The following ABTB2 variants were observed in gnomAD, a reference collection of about 807,000 sequenced individuals.
ABTB2 encodes the protein ankyrin repeat and BTB domain containing 2, also known as ankyrin repeat and BTB/POZ domain-containing protein 2.
Under a neutral mutation model 104.1 loss-of-function variants are expected in ABTB2, and 56 were observed. The observed-to-expected ratio is 0.54, with a 90% CI of 0.43 to 0.67. ABTB2 has a LOEUF of 0.67. Among genes scored for constraint, ABTB2 ranks in the 30% least tolerant of loss-of-function variants. ABTB2 has a pLI of 0.00. For missense variants in ABTB2, 1,279 were observed against 1,407.7 expected (o/e 0.91, Z 1.46); for synonymous variants, 606 against 608.2 (o/e 1.00, Z 0.05).
At chr11:34,270,670 T>G (rs1365111344) in intron 1 of ABTB2, among the ~76,000 whole-genome samples, 1 of 152,112 alleles carries the variant, frequency 6.6e-6, no homozygotes, top group Admixed American at 6.5e-5. Context: ...CCTCAGAGGT[T>G]GACAACCAGA....
At chr11:34,197,056 T>C (rs1346034189) in intron 3 of ABTB2, among the ~76,000 whole-genome samples, 1 of 152,144 alleles carries the variant, frequency 6.6e-6, no homozygotes, top group African/African-American at 2.4e-5. Context: ...CCCAGTGAGC[T>C]CATGCCAGAC....
chr11:34,245,465 G>A (rs1261742889), intron 1 of ABTB2, among the ~76,000 whole-genome samples: 1 of 152,254 alleles, frequency 6.6e-6, no homozygotes, highest in African/African-American at 2.4e-5. Flanking sequence ...GTGCTTGGCT[G>A]TGCAAGTCCT....
At chr11:34,184,136 G>A (rs1387190153) in intron 3 of ABTB2, among the ~76,000 whole-genome samples, 3 of 151,586 alleles carry the variant, frequency 2.0e-5, no homozygotes, top group African/African-American at 7.3e-5. Context: ...CTCCAGGACT[G>A]TTCATTAAGG....
chr11:34,170,943 G>C lies in ABTB2; in HGVS notation c.1526C>G (p.Ala509Gly), dbSNP rs767059590. ...GGTGTTAACCCCATCCGGACCCAAGGCCTCGATGGCTTGGTTGATGAGGTC... is the reference window on the plus strand; with the variant it reads ...GGTGTTAACCCCATCCGGACCCAAGCCCTCGATGGCTTGGTTGATGAGGTC... ...RTDLINQAIE[A>G]LGPDGVNTMD... Residue 509 changes from alanine (A) to glycine (G), a missense_variant, in exon 5 of 17, where the codon GCC becomes GGC. By Grantham distance (60) the Ala-to-Gly change is moderately conservative (BLOSUM62 0). Transcript: ENST00000435224. The C allele has an allele frequency of 1.2e-6, 2 of 1,614,176 alleles. No individual in the cohort carries two copies. Among genetic ancestry groups the C allele is most frequent in the Non-Finnish European group, 1.7e-6 (2 of 1,180,030 alleles).
chr11:34,202,560 G>C (rs140962649), intron 2 of ABTB2, among the ~76,000 whole-genome samples: 2 of 152,280 alleles, frequency 1.3e-5, no homozygotes, highest in East Asian at 3.9e-4. Flanking sequence ...GCAGCTTGGG[G>C]CTAGGTGCAG....
chr11:34,263,064 G>A (rs555231392), intron 1 of ABTB2, among the ~76,000 whole-genome samples: 5 of 152,246 alleles, frequency 3.3e-5, no homozygotes, highest in Non-Finnish European at 5.9e-5. Context: ...AAAGGACTCC[G>A]GAGGCCGGTT....
chr11:34,247,022 T>G (rs181797628), intron 1 of ABTB2, among the ~76,000 whole-genome samples: 1 of 152,078 alleles, frequency 6.6e-6, no homozygotes, highest in African/African-American at 2.4e-5. Context: ...TAATTTTGTA[T>G]TTTTAGTAGA....
chr11:34,234,586 C>G (rs553133714), intron 1 of ABTB2, among the ~76,000 whole-genome samples: 84 of 152,338 alleles, frequency 5.5e-4, no homozygotes, highest in African/African-American at 1.9e-3. Flanking sequence ...TGTGAGAACA[C>G]CTCGGATGCC....
intron 2 of ABTB2, among the ~76,000 whole-genome samples, chr11:34,202,487 G>A (rs1288879245): frequency 3.9e-5 from 6 of 152,116 alleles, no homozygotes; most frequent in Non-Finnish European, 5.9e-5. Flanking sequence ...AGCCATTGTC[G>A]GGGGATAGAG....
intron 1 of ABTB2, among the ~76,000 whole-genome samples, chr11:34,321,151 C>T (rs1854996775): frequency 6.6e-6 from 1 of 152,200 alleles, no homozygotes; most frequent in Non-Finnish European, 1.5e-5. Context: ...CATTGCACTC[C>T]AGCCTGGGCA....
At chr11:34,334,209 C>G (rs1208740929) in intron 1 of ABTB2, among the ~76,000 whole-genome samples, 1 of 152,136 alleles carries the variant, frequency 6.6e-6, no homozygotes, top group Non-Finnish European at 1.5e-5. Context: ...ACATCTGGCA[C>G]AGCAAGGACA....
intron 1 of ABTB2, among the ~76,000 whole-genome samples, chr11:34,295,009 G>A (rs560346541): frequency 1.3e-5 from 2 of 151,974 alleles, no homozygotes; most frequent in African/African-American, 4.8e-5. Context: ...CCACCACGCC[G>A]GGCCTCTACA....
In ABTB2 at chr11:34,155,911, C is replaced by T. The variant is rs186140917; in HGVS notation, c.2698-1142G>A. Among the ~76,000 whole-genome samples the T allele has an allele frequency of 2.0e-5, 3 of 152,362 alleles. No homozygotes were observed. The East Asian group carries it at 5.8e-4, about 29-fold the overall frequency. On this transcript the variant is annotated intron_variant, in intron 14 of 16. Coordinates refer to ENST00000435224, the MANE Select transcript of ABTB2 (RefSeq NM_145804.3). ...GCCATGCCCAGGTCCCTCTGCCCTCCCCATGCAGGGCACTGAGTGAGTGCT... is the reference window on the plus strand; with the variant it reads ...GCCATGCCCAGGTCCCTCTGCCCTCTCCATGCAGGGCACTGAGTGAGTGCT...
chr11:34,336,392 G>C (rs1175469523), intron 1 of ABTB2, among the ~76,000 whole-genome samples: 1 of 152,220 alleles, frequency 6.6e-6, no homozygotes, highest in Non-Finnish European at 1.5e-5. Context: ...GCCAGGCACA[G>C]CATTCTGGGA....
chr11:34,163,629 T>C (rs1349267897), intron 9 of ABTB2, among the ~76,000 whole-genome samples: 1 of 152,198 alleles, frequency 6.6e-6, no homozygotes, highest in African/African-American at 2.4e-5. Context: ...GCTCCACGGC[T>C]ACCCCGCAGA....
At chr11:34,203,144 T>C (rs1853365391) in intron 2 of ABTB2, among the ~76,000 whole-genome samples, 1 of 152,146 alleles carries the variant, frequency 6.6e-6, no homozygotes, top group Non-Finnish European at 1.5e-5. Flanking sequence ...GCTAGTCTTA[T>C]CCAGGGGGCC....
chr11:34,190,900 G>T (rs1016840183), intron 3 of ABTB2, among the ~76,000 whole-genome samples: 11 of 152,150 alleles, frequency 7.2e-5, no homozygotes, highest in African/African-American at 2.7e-4. Flanking sequence ...CATTTAATGA[G>T]CACTTTTTAT....
chr11:34,217,947 G>A (rs540649480), intron 1 of ABTB2, among the ~76,000 whole-genome samples: 9 of 152,182 alleles, frequency 5.9e-5, no homozygotes, highest in Non-Finnish European at 1.2e-4. Flanking sequence ...AGCATTTGGT[G>A]GTATCAGTGT....
At chr11:34,317,289 A>G (rs1854945056) in intron 1 of ABTB2, among the ~76,000 whole-genome samples, 1 of 152,116 alleles carries the variant, frequency 6.6e-6, no homozygotes. Flanking sequence ...TCTCCATCAC[A>G]ATCATTAGTA....
Sources: gnomAD v4.1 joint callset for allele counts (sites outside exome capture counted in the v4.1 genomes callset) on GRCh38, gnomAD v4.1.1 for gene constraint, MANE v1.5 for transcripts, NCBI Gene and HGNC (gene_info 2026-07-23, HGNC 2026-07-21) for gene names.